The following MEI1 variants were observed in gnomAD, a reference collection of about 807,000 sequenced individuals.
MEI1 encodes the protein meiotic double-stranded break formation protein 1, also known as meiosis inhibitor protein 1.
Under a neutral mutation model 146.2 loss-of-function variants are expected in MEI1, and 103 were observed. That is an observed-to-expected ratio of 0.70 (90% CI 0.60 to 0.83). The LOEUF is 0.83. Ranked by LOEUF, MEI1 falls within the 40% of genes least tolerant of loss-of-function variation. The pLI is 0.00. For synonymous variants in MEI1, 652 were observed against 628.2 expected, an observed-to-expected ratio of 1.04 and a Z score of -0.57; for missense variants, 1,529 against 1,533.0, an observed-to-expected ratio of 1.00 and a Z score of 0.04.
Position 41,718,266 on chromosome 22 carries a change from A to ACTGCTTG in MEI1, c.726_732dup (p.Gly245LeufsTer12). On this transcript the variant is annotated frameshift_variant, in exon 6 of 31. Transcript: ENST00000401548. LOFTEE classifies it high-confidence loss of function. ...GCCCAGACAAAGGAGCTGCAGATTAACTGCTTGGGTAAGACATGAGGCTGG... is the reference window on the plus strand; with the variant it reads ...GCCCAGACAAAGGAGCTGCAGATTAACTGCTTGCTGCTTGGGTAAGACATGAGGCTGG... 6.2e-7 allele frequency: 1 copy of ACTGCTTG among 1,613,834 alleles called. No homozygotes were observed. Among genetic ancestry groups the ACTGCTTG allele is most frequent in the Non-Finnish European group, 8.5e-7 (1 of 1,179,834 alleles).
chr22:41,784,680 CAG>C lies in MEI1; in HGVS notation c.3243_3244del (p.Ala1083ProfsTer50), dbSNP rs774375766. The stretch of plus-strand genomic sequence containing the variant: ...TCTGCCCTGGTAGCCCTGGTGCCCT[CAG>C]GGGCCCAGCCACTGCCAGCCACCAA... On this transcript the variant is annotated frameshift_variant, in exon 26 of 31. Transcript: ENST00000401548. LOFTEE classifies it high-confidence loss of function. 1.7e-5 allele frequency: 27 copies of C among 1,613,444 alleles called. No homozygotes were observed. Among genetic ancestry groups the C allele is most frequent in the Non-Finnish European group, 1.8e-5 (21 of 1,179,848 alleles).
At chr22:41,751,352 C>T (rs1204029781) in intron 15 of MEI1, among the ~76,000 whole-genome samples, 2 of 152,140 alleles carry the variant, frequency 1.3e-5, no homozygotes, top group East Asian at 3.8e-4. Context: ...CTTCTGATGT[C>T]GTCTTTATCT....
intron 20 of MEI1, among the ~76,000 whole-genome samples, chr22:41,773,265 T>G (rs6519287): frequency 0.29 from 43,704 of 152,014 alleles, 6,902 homozygotes; most frequent in Non-Finnish European, 0.36. Context: ...GCCTTCAAGA[T>G]GAGTTGTTGC....
chr22:41,781,446 T>C, intron 23 of MEI1, 52 bp downstream of exon 23: 1 of 1,437,368 alleles, frequency 7.0e-7, no homozygotes, highest in Admixed American at 2.0e-5. Flanking sequence ...TCTGTGGTCC[T>C]CTGTATCTCA....
chr22:41,717,719 G>A (rs1337322449), intron 5 of MEI1, among the ~76,000 whole-genome samples: 5 of 151,130 alleles, frequency 3.3e-5, no homozygotes, highest in Admixed American at 2.7e-4. Flanking sequence ...GGGTTTCAGC[G>A]ATTCTCCTGC....
At chr22:41,729,811 A>G (rs769346948) in intron 8 of MEI1, 32 bp downstream of exon 8, 34 of 1,423,048 alleles carry the variant, frequency 2.4e-5, no homozygotes, top group Non-Finnish European at 3.0e-5. Context: ...TCTCCTCCCT[A>G]TACTAGAAGG....
chr22:41,777,056 A>C (rs954554399), intron 21 of MEI1, among the ~76,000 whole-genome samples: 16 of 151,946 alleles, frequency 1.1e-4, no homozygotes, highest in African/African-American at 3.9e-4. Flanking sequence ...AGCTCAAGTG[A>C]TCCGCCCACC....
chr22:41,719,757 C>G (rs1191680557), intron 6 of MEI1, among the ~76,000 whole-genome samples: 2 of 152,252 alleles, frequency 1.3e-5, no homozygotes, highest in East Asian at 3.9e-4. Context: ...AACGTCCTCT[C>G]CTGCTATTTT....
chr22:41,766,654 T>C (rs568142817), intron 19 of MEI1, among the ~76,000 whole-genome samples: 1 of 152,130 alleles, frequency 6.6e-6, no homozygotes, highest in East Asian at 1.9e-4. Flanking sequence ...TCAAGCAATA[T>C]TCCCACCTCA....
intron 26 of MEI1, among the ~76,000 whole-genome samples, chr22:41,787,017 C>T (rs1438156736): frequency 6.6e-6 from 1 of 152,168 alleles, no homozygotes; most frequent in Non-Finnish European, 1.5e-5. Flanking sequence ...CATCCTTGCA[C>T]AAGGCTCTGT....
At chr22:41,788,348 A>G (rs1452004838) in intron 26 of MEI1, among the ~76,000 whole-genome samples, 1 of 151,576 alleles carries the variant, frequency 6.6e-6, no homozygotes, top group Non-Finnish European at 1.5e-5. Flanking sequence ...TGCACAGGAG[A>G]GGTAGCATTT....
chr22:41,778,270 T>C (rs746075118), intron 21 of MEI1, among the ~76,000 whole-genome samples: 19 of 151,090 alleles, frequency 1.3e-4, no homozygotes, highest in Non-Finnish European at 2.5e-4. Context: ...TTCAGTCATC[T>C]ACCAAAGGCC....
intron 11 of MEI1, among the ~76,000 whole-genome samples, chr22:41,737,275 C>T (rs985785359): frequency 2.0e-5 from 3 of 151,340 alleles, no homozygotes; most frequent in African/African-American, 7.3e-5. Flanking sequence ...CTTGCTCTGT[C>T]GCCCAGGCTG....
intron 3 of MEI1, among the ~76,000 whole-genome samples, chr22:41,711,423 C>A (rs997956311): frequency 6.6e-6 from 1 of 152,160 alleles, no homozygotes; most frequent in Non-Finnish European, 1.5e-5. Flanking sequence ...CGTTCTGACC[C>A]CCCGGGGGAT....
intron 12 of MEI1, among the ~76,000 whole-genome samples, 176 bp downstream of exon 12, chr22:41,743,370 T>C (rs1039643354): frequency 4.6e-5 from 7 of 152,300 alleles, no homozygotes; most frequent in Non-Finnish European, 8.8e-5. Flanking sequence ...AGGATTACTA[T>C]TGTCATTTTT....
intron 1 of MEI1, among the ~76,000 whole-genome samples, chr22:41,702,777 A>G (rs2068810793): frequency 6.8e-6 from 1 of 147,040 alleles, no homozygotes; most frequent in African/African-American, 2.5e-5. Context: ...TTTTTTTTTG[A>G]GACAAAATCT....
chr22:41,758,476 G>C lies in MEI1; in HGVS notation c.2063G>C (p.Arg688Pro). 6.2e-7 allele frequency: 1 copy of C among 1,613,788 alleles called. No homozygotes were observed. Among genetic ancestry groups the C allele is most frequent in the Non-Finnish European group, 8.5e-7 (1 of 1,179,842 alleles). The change falls in exon 18 of 31, where the codon CGC becomes CCC. Residue 688 changes from arginine to proline, a missense_variant. By Grantham distance (103) the Arg-to-Pro change is moderately radical. This residue lies in a region of MEI1 where 1,212 missense variants were observed against 1,178.9 expected (regional missense o/e 1.03). Transcript: ENST00000401548. ...CGCCAGTACATGGAGGGAGCTGCTC[G>C]CCAGAGACAGTACTGCATCCTGCTC... is the stretch of plus-strand genomic sequence containing the variant. ...SDRQYMEGAA[R>P]QRQYCILLLF...
chr22:41,777,517 G>T (rs1303956686), intron 21 of MEI1, among the ~76,000 whole-genome samples: 1 of 152,156 alleles, frequency 6.6e-6, no homozygotes, highest in East Asian at 1.9e-4. Flanking sequence ...AGGACTGAGG[G>T]TTTGGAAGTA....
At chr22:41,762,856 C>T (rs1033439527) in intron 18 of MEI1, among the ~76,000 whole-genome samples, 1 of 152,146 alleles carries the variant, frequency 6.6e-6, no homozygotes. Context: ...GCTGCCAGAG[C>T]AGGGCCTTCT....
Sources: allele counts gnomAD v4.1 joint callset (sites outside exome capture counted in the v4.1 genomes callset), GRCh38; gene constraint gnomAD v4.1.1; regional missense constraint gnomAD v4.1.1; transcripts MANE v1.5; gene names NCBI Gene and HGNC (gene_info 2026-07-23, HGNC 2026-07-21).